ABR: variants seen among roughly 807,000 people sequenced by gnomAD.
ABR encodes the protein active breakpoint cluster region-related protein.
In ABR, 35 loss-of-function variants were observed where a neutral mutation model predicts 107.2. The observed-to-expected ratio is 0.33, with a 90% CI of 0.25 to 0.43. The LOEUF (loss-of-function observed/expected upper bound fraction) is 0.43, where lower values mean the gene tolerates loss of function less well. Ranked by LOEUF, ABR falls within the 20% of genes least tolerant of loss-of-function variation. The pLI, the probability that ABR is intolerant of heterozygous loss-of-function variation, is 1.00. For missense variants in ABR, 815 were observed against 1,115.2 expected, an observed-to-expected ratio of 0.73 and a Z score of 3.83; for synonymous variants, 498 against 462.0, an observed-to-expected ratio of 1.08 and a Z score of -1.00.
At chr17:1,068,482 G>C (rs550740865) in intron 9 of ABR, among the ~76,000 whole-genome samples, 1 of 152,200 alleles carries the variant, frequency 6.6e-6, no homozygotes, top group Non-Finnish European at 1.5e-5. Context: ...GAAGGGAGAG[G>C]CAAGATAGCC....
At chr17:1,031,990 A>G (rs986817777) in intron 16 of ABR, 11 of 451,140 alleles carry the variant, frequency 2.4e-5, no homozygotes, top group Admixed American at 1.3e-4. Context: ...TCCCAGGCCC[A>G]GGGCCGCCCC....
At chr17:1,184,120 G>A (rs555231265), upstream of ABR, among the ~76,000 whole-genome samples, 1 of 150,954 alleles carries the variant, frequency 6.6e-6, no homozygotes, top group East Asian at 1.9e-4. Context: ...TCCTGTCACT[G>A]CACTCCAGCC....
chr17:1,007,652 G>A (rs1434474289), intron 21 of ABR, among the ~76,000 whole-genome samples: 2 of 152,188 alleles, frequency 1.3e-5, no homozygotes, highest in Non-Finnish European at 2.9e-5. Context: ...ACTCACACTC[G>A]CCGCAGTCCT....
At chr17:1,081,611 T>C (rs2036242009) in intron 5 of ABR, among the ~76,000 whole-genome samples, 1 of 152,114 alleles carries the variant, frequency 6.6e-6, no homozygotes, top group Admixed American at 6.6e-5. Flanking sequence ...AGGGTCTCGC[T>C]CTGTCACCAG....
At chr17:1,086,017 G>T (rs559649462) in intron 4 of ABR, among the ~76,000 whole-genome samples, 5 of 152,170 alleles carry the variant, frequency 3.3e-5, no homozygotes, top group African/African-American at 1.2e-4. Context: ...GTGGTGGCAC[G>T]CATCTGTAGT....
chr17:1,075,368 A>G (rs984348064), intron 6 of ABR, among the ~76,000 whole-genome samples: 2 of 152,270 alleles, frequency 1.3e-5, no homozygotes, highest in Admixed American at 6.5e-5. Flanking sequence ...CCAGGTTGTG[A>G]CAGGTCCCAG....
Position 1,084,045 on chromosome 17 carries a change from C to T in ABR, c.532-418G>A, listed in dbSNP as rs1006708347. Among the ~76,000 whole-genome samples, 53 of 152,296 alleles carry T rather than the reference C, an allele frequency of 3.5e-4. No individual in the cohort carries two copies. The highest frequency in any genetic ancestry group is 1.1e-3 in the African/African-American group (45 of 41,576). ...GTGTGTGTGCTGGGGGGAGCTGGCA[C>T]GTGTGGCCTGCTCAGGCCTCCCTCC... On this transcript the variant is annotated intron_variant, in intron 4 of 22. Coordinates refer to ENST00000302538, the MANE Select transcript of ABR (RefSeq NM_021962.5). This position sits in a 1 kb window ranked among gnomAD's most constrained non-coding sequence, Gnocchi z 4.2.
intron 16 of ABR, 175 bp downstream of exon 16, chr17:1,049,875 G>A: frequency 1.2e-6 from 1 of 852,220 alleles, no homozygotes; most frequent in Middle Eastern, 3.5e-4. Context: ...GGGCTTCCGG[G>A]GCCACAACAG....
rs144120979 is a variant in ABR at position 1,168,391 on chromosome 17, C to T, written c.61+11276G>A. ...CAGGGATCTCACTAAGGCCAGTGCT[C>T]GAATCAGGCCTGGAGGACTTCCTGG... On this transcript the variant is annotated intron_variant, in intron 1 of 22. Coordinates refer to ENST00000302538, the MANE Select transcript of ABR (RefSeq NM_021962.5). 5.9e-5 allele frequency among the ~76,000 whole-genome samples: 9 copies of T among 152,294 alleles called. No individual in the cohort carries two copies. In the South Asian group the frequency reaches 8.3e-4, roughly 14 times the overall value.
Position 1,179,387 on chromosome 17 carries a change from C to A in ABR, c.61+280G>T, listed in dbSNP as rs934682221. ...GGGGGACGCAGCTCTCGGCTCGGTC[C>A]GCCCACGGTCCCCGCCCCCGGACCG... On this transcript the variant is annotated intron_variant, in intron 1 of 22. Coordinates refer to ENST00000302538, the MANE Select transcript of ABR (RefSeq NM_021962.5). The surrounding 1 kb of genome is among the most constrained non-coding windows in gnomAD (Gnocchi z 4.9). Among the ~76,000 whole-genome samples the A allele has an allele frequency of 2.6e-5, 4 of 152,002 alleles. No homozygotes were observed. Among genetic ancestry groups the A allele is most frequent in the Non-Finnish European group, 5.9e-5 (4 of 67,976 alleles).
chr17:1,058,922 G>GCAGC, intron 10 of ABR, 55 bp from the exon 11 acceptor site: 1 of 1,604,392 alleles, frequency 6.2e-7, no homozygotes, highest in Middle Eastern at 1.7e-4. Context: ...TTTCTCACGA[G>GCAGC]CAGCACTAAG....
At chr17:1,175,807 C>G (rs551407230) in intron 1 of ABR, among the ~76,000 whole-genome samples, 27 of 152,240 alleles carry the variant, frequency 1.8e-4, no homozygotes, top group African/African-American at 5.5e-4. Flanking sequence ...GAAGTGTGTT[C>G]AGGGCCGGGC....
chr17:1,193,980 C>G (rs1022006926), intron 1 of ABR, among the ~76,000 whole-genome samples: 11 of 152,074 alleles, frequency 7.2e-5, no homozygotes, highest in Non-Finnish European at 1.3e-4. Flanking sequence ...AGGCGTGAGC[C>G]CCGCGCCTGG....
chr17:1,010,024 C>G lies in ABR; in HGVS notation c.2237-240G>C, dbSNP rs1284422150. 3.4e-6 allele frequency: 2 copies of G among 586,658 alleles called. No homozygotes were observed. Among genetic ancestry groups the G allele is most frequent in the Non-Finnish European group, 6.1e-6 (2 of 328,742 alleles). 36.3% of individuals were successfully genotyped at this position (586,658 alleles called of 1,614,324 possible). A position where few individuals can be genotyped will look rare whatever the true frequency, so the allele number is the denominator to read the frequency against. Reference sequence around the variant, plus strand: ...CGGCTGGTGGGAGCAGACCCCCTTCCTGCAGCTGACTGCATAGGCCTTGGG... The same window carrying G: ...CGGCTGGTGGGAGCAGACCCCCTTCGTGCAGCTGACTGCATAGGCCTTGGG... On this transcript the variant is annotated intron_variant, in intron 20 of 22. Coordinates refer to ENST00000302538, the MANE Select transcript of ABR (RefSeq NM_021962.5). The surrounding 1 kb of genome is among the most constrained non-coding windows in gnomAD (Gnocchi z 4.1).
intron 16 of ABR, among the ~76,000 whole-genome samples, chr17:1,023,983 C>G (rs2071943609): frequency 7.4e-6 from 1 of 135,132 alleles, no homozygotes; most frequent in Non-Finnish European, 1.5e-5. Context: ...CGAGATTGTG[C>G]CATTGTACTC....
Position 1,044,219 on chromosome 17 carries a change from C to T in ABR, c.1791+5831G>A, listed in dbSNP as rs377113733. On this transcript the variant is annotated intron_variant, in intron 16 of 22. Coordinates refer to ENST00000302538, the MANE Select transcript of ABR (RefSeq NM_021962.5). ...GGTGGAGGGGGGGCTCCCAGCTAAG[C>T]GGACCTGGATGGGGTCCCTGAGTCT... Among the ~76,000 whole-genome samples, 14 of 152,286 alleles carry T rather than the reference C, an allele frequency of 9.2e-5. No individual in the cohort carries two copies. The East Asian group carries it at 1.4e-3, about 15-fold the overall frequency.
At chr17:1,081,424 G>A (rs374909413) in intron 5 of ABR, among the ~76,000 whole-genome samples, 28 of 152,038 alleles carry the variant, frequency 1.8e-4, no homozygotes, top group African/African-American at 7.2e-5. Context: ...CCTGCACTTC[G>A]TCCTCCCAGG....
chr17:1,224,668 G>A (rs1382537006), intron 1 of ABR, among the ~76,000 whole-genome samples: 7 of 152,072 alleles, frequency 4.6e-5, no homozygotes, highest in African/African-American at 1.2e-4. Context: ...GGGGAAACAC[G>A]TATCTTATTC....
At chr17:1,023,161 C>T (rs568612758) in intron 16 of ABR, among the ~76,000 whole-genome samples, 3 of 152,012 alleles carry the variant, frequency 2.0e-5, no homozygotes, top group African/African-American at 7.2e-5. Flanking sequence ...GCGCCTCTGC[C>T]GGCCCCACGT....
Sources: gnomAD v4.1 joint callset for allele counts (sites outside exome capture counted in the v4.1 genomes callset) on GRCh38, gnomAD v4.1.1 for gene constraint, Gnocchi (gnomAD v3.1) non-coding constraint, MANE v1.5 for transcripts, NCBI Gene and HGNC (gene_info 2026-07-23, HGNC 2026-07-21) for gene names.